IL20RB: variants seen among roughly 807,000 people sequenced by gnomAD.
IL20RB encodes the protein interleukin-20 receptor subunit beta.
IL20RB carries 21 observed loss-of-function variants against 33.3 expected under a neutral mutation model. The observed-to-expected ratio is 0.63, with a 90% CI of 0.45 to 0.91. IL20RB has a LOEUF of 0.91. Among genes scored for constraint, IL20RB ranks in the 40% least tolerant of loss-of-function variants. IL20RB has a pLI of 0.00. For synonymous variants in IL20RB, 147 were observed against 146.8 expected (o/e 1.00, Z -0.01); for missense variants, 345 against 384.8 (o/e 0.90, Z 0.86).
chr3:136,962,567 C>T (rs1179405476), intron 1 of IL20RB, among the ~76,000 whole-genome samples: 1 of 152,102 alleles, frequency 6.6e-6, no homozygotes, highest in Non-Finnish European at 1.5e-5. Flanking sequence ...TCCTGGCCAA[C>T]ATGGTGAAAC....
chr3:137,006,491 T>C (rs955518002), intron 6 of IL20RB, among the ~76,000 whole-genome samples: 1 of 152,130 alleles, frequency 6.6e-6, no homozygotes, highest in African/African-American at 2.4e-5. Context: ...TTCTCTAACC[T>C]TGTTTTCTCA....
chr3:136,970,089 T>C (rs1941433337), intron 1 of IL20RB, among the ~76,000 whole-genome samples: 1 of 151,864 alleles, frequency 6.6e-6, no homozygotes, highest in Non-Finnish European at 1.5e-5. Context: ...TTTTTTGTTT[T>C]TTGTTTTTTT....
chr3:136,985,333 C>G (rs1941874178), intron 3 of IL20RB, among the ~76,000 whole-genome samples: 1 of 134,316 alleles, frequency 7.4e-6, no homozygotes, highest in Admixed American at 8.3e-5. Context: ...GTCTCTCTCT[C>G]TCTCTTTTTT....
chr3:136,986,769 G>A (rs1209852285), intron 3 of IL20RB: 1 of 456,704 alleles, frequency 2.2e-6, no homozygotes, highest in Admixed American at 2.3e-5. Flanking sequence ...CAAGAATGAA[G>A]CCGCAGACCC....
chr3:136,974,551 G>C (rs1179327800), intron 1 of IL20RB, among the ~76,000 whole-genome samples: 1 of 151,970 alleles, frequency 6.6e-6, no homozygotes, highest in Non-Finnish European at 1.5e-5. Flanking sequence ...TTTTCTAGCT[G>C]TTTTTAGGGT....
At chr3:136,985,511 A>G (rs1021715714) in intron 3 of IL20RB, among the ~76,000 whole-genome samples, 1 of 151,878 alleles carries the variant, frequency 6.6e-6, no homozygotes, top group Non-Finnish European at 1.5e-5. Context: ...CTAATTTTGT[A>G]TTTTTAGTAG....
chr3:136,993,903 C>G (rs746327990), intron 5 of IL20RB, among the ~76,000 whole-genome samples: 1 of 151,674 alleles, frequency 6.6e-6, no homozygotes, highest in African/African-American at 2.4e-5. Context: ...ATCCCAGCTA[C>G]TGGAAAGGCT....
chr3:137,000,005 G>GT (rs1942209367), intron 6 of IL20RB, among the ~76,000 whole-genome samples: 1 of 152,026 alleles, frequency 6.6e-6, no homozygotes, highest in African/African-American at 2.4e-5. Flanking sequence ...TCTATTGATC[G>GT]TTTTTTATTT....
At chr3:136,979,125 AC>A (rs1941705664) in intron 1 of IL20RB, among the ~76,000 whole-genome samples, 1 of 152,068 alleles carries the variant, frequency 6.6e-6, no homozygotes, top group African/African-American at 2.4e-5. Context: ...GTACCACTCT[AC>A]CCCTTTTCCT....
intron 3 of IL20RB, among the ~76,000 whole-genome samples, chr3:136,983,339 C>T (rs1217394089): frequency 1.3e-5 from 2 of 152,150 alleles, no homozygotes; most frequent in Non-Finnish European, 2.9e-5. Flanking sequence ...CTGCCCACTT[C>T]GGCCTCCCAA....
At position 136,960,470 on chromosome 3, in the gene IL20RB, T is replaced by C. The variant is rs190882308; in HGVS notation, c.88+2269T>C. ...CATGGCTGTCTTTCATAGAAATCAT[T>C]TGCCTTGTCCTGTCCCTCCCAAATA... is the stretch of plus-strand genomic sequence containing the variant. On this transcript the variant is annotated intron_variant, in intron 1 of 6. Transcript: ENST00000329582. Among the ~76,000 whole-genome samples the C allele has an allele frequency of 3.9e-5, 6 of 152,320 alleles. No homozygotes were observed. The East Asian group carries it at 1.2e-3, about 29-fold the overall frequency.
At chr3:136,978,806 C>A (rs1285058285) in intron 1 of IL20RB, among the ~76,000 whole-genome samples, 1 of 152,028 alleles carries the variant, frequency 6.6e-6, no homozygotes, top group Non-Finnish European at 1.5e-5. Context: ...GGAAACTGTT[C>A]TTTCCTATTC....
intron 1 of IL20RB, among the ~76,000 whole-genome samples, chr3:136,959,951 TGTTA>T (rs938622851): frequency 6.6e-6 from 1 of 152,112 alleles, no homozygotes; most frequent in African/African-American, 2.4e-5. Flanking sequence ...CACCCTCAAA[TGTTA>T]GTTATTATTA....
intron 1 of IL20RB, among the ~76,000 whole-genome samples, chr3:136,963,714 C>CT (rs1285067845): frequency 4.1e-5 from 4 of 96,698 alleles, no homozygotes; most frequent in Admixed American, 3.8e-4. Context: ...TTATTATACT[C>CT]TAAGTTTTAG....
intron 6 of IL20RB, among the ~76,000 whole-genome samples, chr3:136,998,103 T>C (rs532430258): frequency 6.6e-6 from 1 of 151,240 alleles, no homozygotes; most frequent in East Asian, 1.9e-4. Context: ...TTGATATGGT[T>C]GAATTTAGGT....
At chr3:137,001,785 T>C (rs1270701959) in intron 6 of IL20RB, among the ~76,000 whole-genome samples, 2 of 152,140 alleles carry the variant, frequency 1.3e-5, no homozygotes, top group Non-Finnish European at 2.9e-5. Flanking sequence ...TTTATTATTA[T>C]TATTATTATA....
At chr3:136,983,068 G>C (rs1197561084) in intron 3 of IL20RB, among the ~76,000 whole-genome samples, 2 of 152,072 alleles carry the variant, frequency 1.3e-5, no homozygotes, top group African/African-American at 4.8e-5. Flanking sequence ...CAATGAAAGA[G>C]GAGAGGATCT....
At chr3:136,988,606 G>C (rs549033617) in intron 3 of IL20RB, among the ~76,000 whole-genome samples, 1 of 152,032 alleles carries the variant, frequency 6.6e-6, no homozygotes, top group Non-Finnish European at 1.5e-5. Flanking sequence ...AGCTGAGTGC[G>C]GTGATGTGTG....
At chr3:136,963,457 G>C (rs1411253038) in intron 1 of IL20RB, among the ~76,000 whole-genome samples, 1 of 152,002 alleles carries the variant, frequency 6.6e-6, no homozygotes, top group Non-Finnish European at 1.5e-5. Context: ...ATTTAGTTTT[G>C]TAACTTTGAA....
Sources: gnomAD v4.1 joint callset for allele counts (sites outside exome capture counted in the v4.1 genomes callset) on GRCh38, gnomAD v4.1.1 for gene constraint, MANE v1.5 for transcripts, NCBI Gene and HGNC (gene_info 2026-07-23, HGNC 2026-07-21) for gene names.